Variants in FOXJ3 observed in about 807,000 individuals in gnomAD.
FOXJ3 encodes the protein forkhead box J3, also known as forkhead box protein J3.
FOXJ3 carries 22 observed loss-of-function variants against 76.1 expected under a neutral mutation model. The ratio of observed to expected loss-of-function variants is 0.29; its 90% CI spans 0.21 to 0.41. The LOEUF is 0.41. Among genes scored for constraint, FOXJ3 ranks in the 10% least tolerant of loss-of-function variants. The probability of loss-of-function intolerance (pLI) is 1.00; values close to 1 mark genes in which losing one functional copy is unlikely to be tolerated. For missense variants in FOXJ3, 613 were observed against 762.1 expected, an observed-to-expected ratio of 0.80 and a Z score of 2.30; for synonymous variants, 269 against 261.2, an observed-to-expected ratio of 1.03 and a Z score of -0.29.
intron 2 of FOXJ3, among the ~76,000 whole-genome samples, chr1:42,307,771 G>T (rs1289225350): frequency 1.3e-5 from 2 of 152,070 alleles, no homozygotes; most frequent in African/African-American, 2.4e-5. Flanking sequence ...AATTTAGAGG[G>T]TCTTTTTCTA....
rs146589630 is a variant in FOXJ3 at position 42,257,340 on chromosome 1, C to T, written c.444+7775G>A. ...TGGAACCCAACTGAAAACCAGGTGTCACTGTTAAGTAGAAGAGAGCAAACA... is the reference window on the plus strand; with the variant it reads ...TGGAACCCAACTGAAAACCAGGTGTTACTGTTAAGTAGAAGAGAGCAAACA... On this transcript the variant is annotated intron_variant, in intron 4 of 12. Coordinates refer to ENST00000361346, the MANE Select transcript of FOXJ3 (RefSeq NM_014947.5). Among the ~76,000 whole-genome samples, 16 of 152,200 alleles carry T rather than the reference C, an allele frequency of 1.1e-4. No homozygotes were observed. In the East Asian group the frequency reaches 2.9e-3, roughly 28 times the overall value.
chr1:42,304,477 G>T (rs1654342078), intron 2 of FOXJ3, among the ~76,000 whole-genome samples: 1 of 151,988 alleles, frequency 6.6e-6, no homozygotes, highest in South Asian at 2.1e-4. Flanking sequence ...AAAACTGGGG[G>T]AACCACATTA....
At chr1:42,235,358 G>A (rs1480068275) in intron 4 of FOXJ3, among the ~76,000 whole-genome samples, 1 of 152,192 alleles carries the variant, frequency 6.6e-6, no homozygotes, top group Non-Finnish European at 1.5e-5. Flanking sequence ...TTTCGGGTGA[G>A]GTAATGCCTC....
At chr1:42,281,515 TTA>T (rs1293316497) in intron 2 of FOXJ3, among the ~76,000 whole-genome samples, 3 of 152,214 alleles carry the variant, frequency 2.0e-5, no homozygotes, top group Admixed American at 2.0e-4. Context: ...TCCACTGTGC[TTA>T]TATTCATCAG....
chr1:42,291,025 T>C (rs982270145), intron 2 of FOXJ3, among the ~76,000 whole-genome samples: 2 of 134,242 alleles, frequency 1.5e-5, no homozygotes. Context: ...AAAAGACCCA[T>C]ATAGATAGAT....
rs549355154 is a variant in FOXJ3, at chr1:42,252,194, A to C, written c.444+12921T>G. ...TATTGATTGGAATAGTTTCAGAAGGAATGGTACCAGTTCCTCCTTGTATCT... is the reference window on the plus strand; with the variant it reads ...TATTGATTGGAATAGTTTCAGAAGGCATGGTACCAGTTCCTCCTTGTATCT... On this transcript the variant is annotated intron_variant, in intron 4 of 12. Coordinates refer to ENST00000361346, the MANE Select transcript of FOXJ3 (RefSeq NM_014947.5). 2.0e-5 allele frequency among the ~76,000 whole-genome samples: 3 copies of C among 152,210 alleles called. No individual in the cohort carries two copies. The South Asian group carries it at 6.2e-4, about 32-fold the overall frequency.
chr1:42,259,653 G>A (rs1439587769), intron 4 of FOXJ3, among the ~76,000 whole-genome samples: 1 of 152,010 alleles, frequency 6.6e-6, no homozygotes, highest in Non-Finnish European at 1.5e-5. Context: ...GAATACCTTA[G>A]CTTTCTAACC....
intron 5 of FOXJ3, among the ~76,000 whole-genome samples, chr1:42,217,178 CA>C (rs1204782427): frequency 6.6e-6 from 1 of 152,036 alleles, no homozygotes; most frequent in South Asian, 2.1e-4. Flanking sequence ...AGTTAATATA[CA>C]AAAATTAATT....
intron 5 of FOXJ3, among the ~76,000 whole-genome samples, chr1:42,212,583 T>A (rs1014738479): frequency 1.3e-5 from 2 of 152,058 alleles, no homozygotes; most frequent in African/African-American, 4.8e-5. Context: ...TATGGGATTA[T>A]GTAAAAGAGC....
Position 42,179,545 on chromosome 1 carries a change from C to A in FOXJ3, c.*165G>T. 2.0e-6 allele frequency: 1 copy of A among 506,374 alleles called. No homozygotes were observed. The allele number at this position is 506,374 out of a possible 1,614,324, so 31.4% of individuals were successfully genotyped here. A position where few individuals can be genotyped will look rare whatever the true frequency, so the allele number is the denominator to read the frequency against. ...AGTACTTGCTTGGGTCAGATAAAAG[C>A]AGTAAGTTATCCAGCTAAAATCCTT... On this transcript the variant is annotated 3_prime_UTR_variant, in exon 13 of 13. Coordinates refer to ENST00000361346, the MANE Select transcript of FOXJ3 (RefSeq NM_014947.5).
chr1:42,287,280 C>T (rs544861100), intron 2 of FOXJ3, among the ~76,000 whole-genome samples: 1 of 152,012 alleles, frequency 6.6e-6, no homozygotes, highest in South Asian at 2.1e-4. Context: ...GTGGAGGCTG[C>T]AGTGAGCCAA....
At chr1:42,267,013 C>T (rs1287846805) in intron 3 of FOXJ3, among the ~76,000 whole-genome samples, 1 of 152,010 alleles carries the variant, frequency 6.6e-6, no homozygotes, top group Non-Finnish European at 1.5e-5. Context: ...ACCTTGGGCC[C>T]AGGATCCTAT....
chr1:42,334,777 G>A (rs1456069042), intron 1 of FOXJ3: 1 of 152,230 alleles, frequency 6.6e-6, no homozygotes, highest in African/African-American at 2.4e-5. Flanking sequence ...TGCCCCGCCT[G>A]GGGGAGGGGC....
chr1:42,228,961 C>T (rs1009479317), intron 4 of FOXJ3, among the ~76,000 whole-genome samples: 21 of 152,286 alleles, frequency 1.4e-4, no homozygotes, highest in Admixed American at 2.0e-4. Context: ...TAAGGCAACG[C>T]TTAACAATGA....
At chr1:42,298,096 G>T (rs1444684949) in intron 2 of FOXJ3, among the ~76,000 whole-genome samples, 1 of 152,012 alleles carries the variant, frequency 6.6e-6, no homozygotes, top group Non-Finnish European at 1.5e-5. Context: ...GTTCTCACGA[G>T]ATCTGATGGT....
intron 1 of FOXJ3, among the ~76,000 whole-genome samples, chr1:42,332,533 C>T (rs2494366): frequency 0.21 from 32,501 of 151,972 alleles, 4,124 homozygotes; most frequent in African/African-American, 0.34. Flanking sequence ...TAAAATTCTC[C>T]ATAAGCACTC....
At chr1:42,316,766 A>T (rs1300763074) in intron 1 of FOXJ3, among the ~76,000 whole-genome samples, 3 of 152,198 alleles carry the variant, frequency 2.0e-5, no homozygotes, top group Non-Finnish European at 4.4e-5. Flanking sequence ...TAAAACTATT[A>T]CACTTAGGAA....
Position 42,335,151 on chromosome 1 carries a change from C to G in FOXJ3, c.-110G>C, listed in dbSNP as rs1391766697. On this transcript the variant is annotated 5_prime_UTR_variant, in exon 1 of 13. Coordinates refer to ENST00000361346, the MANE Select transcript of FOXJ3 (RefSeq NM_014947.5). ...GGAAAGGTCCCAACGGTGCCTACTGCGAGCGGTCGAGGCCCCGAGCAGCCC... is the reference window on the plus strand; with the variant it reads ...GGAAAGGTCCCAACGGTGCCTACTGGGAGCGGTCGAGGCCCCGAGCAGCCC... 1 of 152,234 alleles carries G rather than the reference C, an allele frequency of 6.6e-6. No homozygotes were observed. Among genetic ancestry groups the G allele is most frequent in the Non-Finnish European group, 1.5e-5 (1 of 68,120 alleles). The allele number at this position is 152,234 out of a possible 1,614,324, so 9.4% of individuals were successfully genotyped here. A position where few individuals can be genotyped will look rare whatever the true frequency, so the allele number is the denominator to read the frequency against.
intron 4 of FOXJ3, among the ~76,000 whole-genome samples, chr1:42,237,123 C>G (rs1323763361): frequency 1.3e-5 from 2 of 151,912 alleles, no homozygotes; most frequent in Non-Finnish European, 2.9e-5. Flanking sequence ...CACCTGTAAT[C>G]CCAGCACTCT....
Sources: allele counts gnomAD v4.1 joint callset (sites outside exome capture counted in the v4.1 genomes callset), GRCh38; gene constraint gnomAD v4.1.1; transcripts MANE v1.5; gene names NCBI Gene and HGNC (gene_info 2026-07-23, HGNC 2026-07-21).